The following ANKDD1B variants were observed in gnomAD, a reference collection of about 807,000 sequenced individuals.
ANKDD1B encodes the protein ankyrin repeat and death domain-containing protein 1B.
Under a neutral mutation model 59.7 loss-of-function variants are expected in ANKDD1B, and 57 were observed. The observed-to-expected ratio is 0.95, with a 90% confidence interval of 0.77 to 1.19. ANKDD1B has a LOEUF of 1.19. Ranked by LOEUF, ANKDD1B falls within the 50% of genes most tolerant of loss-of-function variation. The pLI, the probability that ANKDD1B is intolerant of heterozygous loss-of-function variation, is 0.00. For synonymous variants in ANKDD1B, 216 were observed against 239.5 expected, an observed-to-expected ratio of 0.90 and a Z score of 0.91; for missense variants, 602 against 641.9, an observed-to-expected ratio of 0.94 and a Z score of 0.67.
chr5:75,656,752 G>A (rs935921194), intron 9 of ANKDD1B, among the ~76,000 whole-genome samples: 6 of 152,072 alleles, frequency 3.9e-5, no homozygotes, highest in African/African-American at 1.4e-4. Context: ...AGGATATGTA[G>A]GGGAGTGGGA....
chr5:75,650,806 A>G lies in ANKDD1B; in HGVS notation c.799-2336A>G, dbSNP rs1275869771. On this transcript the variant is annotated intron_variant, in intron 7 of 13. Coordinates refer to ENST00000601380, the MANE Select transcript of ANKDD1B (RefSeq NM_001276713.2). ...AAAACAACAATGTATTATTATTTTCATGGCTCTGTGGGTTGACTGGGCTCA... is the reference window on the plus strand; with the variant it reads ...AAAACAACAATGTATTATTATTTTCGTGGCTCTGTGGGTTGACTGGGCTCA... 2.6e-5 allele frequency among the ~76,000 whole-genome samples: 4 copies of G among 152,338 alleles called. No homozygotes were observed. In the East Asian group the frequency reaches 7.7e-4, roughly 29 times the overall value.
intron 1 of ANKDD1B, among the ~76,000 whole-genome samples, chr5:75,612,718 G>C (rs1350851314): frequency 1.3e-5 from 2 of 152,066 alleles, no homozygotes; most frequent in East Asian, 3.9e-4. Context: ...GCAAATAAAT[G>C]AATAAGATAA....
intron 2 of ANKDD1B, among the ~76,000 whole-genome samples, chr5:75,617,274 A>G (rs992619445): frequency 3.3e-5 from 5 of 152,118 alleles, no homozygotes; most frequent in Admixed American, 2.6e-4. Flanking sequence ...TTTTTGCTAT[A>G]CAATCTGGGT....
chr5:75,635,506 T>G, intron 6 of ANKDD1B: 1 of 291,074 alleles, frequency 3.4e-6, no homozygotes, highest in Non-Finnish European at 6.3e-6. Flanking sequence ...TCAAATGGAA[T>G]TGCTTTTGTT....
intron 6 of ANKDD1B, 85 bp from the exon 7 acceptor site, chr5:75,635,699 C>G: frequency 1.2e-6 from 1 of 850,386 alleles, no homozygotes; most frequent in Non-Finnish European, 1.8e-6. Flanking sequence ...TGAAAACTTC[C>G]AGAAACTCCA....
intron 7 of ANKDD1B, among the ~76,000 whole-genome samples, chr5:75,642,398 C>A (rs62366612): frequency 2.8e-5 from 4 of 143,130 alleles, no homozygotes; most frequent in Admixed American, 2.8e-4. Flanking sequence ...GCGCACCGTG[C>A]GCGAGCCGAA....
chr5:75,665,201 A>G (rs1775274976), intron 11 of ANKDD1B, among the ~76,000 whole-genome samples: 1 of 152,228 alleles, frequency 6.6e-6, no homozygotes, highest in African/African-American at 2.4e-5. Context: ...TTGGCAGGCA[A>G]GCTATTTAAT....
In ANKDD1B at chr5:75,659,370, G is replaced by A; in HGVS notation, c.1084G>A (p.Ala362Thr). 6 of 1,535,704 alleles carry A rather than the reference G, an allele frequency of 3.9e-6. No individual in the cohort carries two copies. The highest frequency in any genetic ancestry group is 5.2e-6 in the Non-Finnish European group (6 of 1,146,526). The change falls in exon 10 of 14, where the codon GCT (alanine) becomes ACT (threonine). Residue 362 changes from alanine to threonine, a missense_variant. Physicochemically the swap from Ala to Thr is moderately conservative, Grantham distance 58. Coordinates refer to ENST00000601380, the MANE Select transcript of ANKDD1B (RefSeq NM_001276713.2). ...TLLKAGCDLKAVDKQGKTALA... is the reference protein window; with the variant it reads ...TLLKAGCDLKTVDKQGKTALA... ...GCTGAAGGCAGGCTGTGACTTGAAG[G>A]CTGTTGACAAGGTAAGTGCATGGAC... is the stretch of plus-strand genomic sequence containing the variant.
At chr5:75,662,318 C>T (rs1444280082) in intron 10 of ANKDD1B, among the ~76,000 whole-genome samples, 1 of 152,164 alleles carries the variant, frequency 6.6e-6, no homozygotes, top group African/African-American at 2.4e-5. Flanking sequence ...CTTTTGATTA[C>T]AGGCTGATTA....
rs112085918 is a variant in ANKDD1B, at chr5:75,667,087, C to G, written c.1393+94C>G. 2,271 of 808,864 alleles carry G rather than the reference C, an allele frequency of 2.8e-3. 29 individuals carry two copies. The African/African-American group carries it at 0.03, about 11-fold the overall frequency. The allele number at this position is 808,864 out of a possible 1,614,324, so 50.1% of individuals were successfully genotyped here. A position where few individuals can be genotyped will look rare whatever the true frequency, so the allele number is the denominator to read the frequency against. ...AGGTCTTCCAAGGAAGTGTGTGGCA[C>G]TCACAATAAGCTGCAGTCTTCAAGG... On this transcript the variant is annotated intron_variant, in intron 12 of 13. Transcript: ENST00000601380.
chr5:75,659,295 C>T lies in ANKDD1B; in HGVS notation c.1009C>T (p.Pro337Ser), dbSNP rs1434452988. The T allele has an allele frequency of 1.3e-6, 2 of 1,535,732 alleles. No individual in the cohort carries two copies. The highest frequency in any genetic ancestry group is 1.7e-6 in the Non-Finnish European group (2 of 1,146,698). The change falls in exon 10 of 14, where the codon CCT becomes TCT. Residue 337 changes from proline to serine, a missense_variant. Pro to Ser is a moderately conservative substitution (Grantham distance 74). Transcript: ENST00000601380. ...AATTTCATGGCAGAAGCAGCAAACC[C>T]CTCTGCATGTAGCTGCTGATCGTGG... Reference protein sequence around the residue: ...IDILNQKQQTPLHVAADRGNV... With the variant: ...IDILNQKQQTSLHVAADRGNV...
intron 1 of ANKDD1B, among the ~76,000 whole-genome samples, chr5:75,613,501 G>A (rs1368045359): frequency 2.0e-5 from 3 of 152,188 alleles, no homozygotes; most frequent in Non-Finnish European, 4.4e-5. Context: ...AATGAAGGTA[G>A]GTTGGTAGAC....
intron 7 of ANKDD1B, among the ~76,000 whole-genome samples, chr5:75,643,581 G>C (rs1389499120): frequency 2.4e-5 from 1 of 40,824 alleles, no homozygotes; most frequent in Non-Finnish European, 3.9e-5. Context: ...AAGCCTCCAA[G>C]AAATATGGGA....
chr5:75,650,467 C>T (rs1012927021), intron 7 of ANKDD1B, among the ~76,000 whole-genome samples: 3 of 152,146 alleles, frequency 2.0e-5, no homozygotes, highest in Non-Finnish European at 4.4e-5. Context: ...CATAGGTCTG[C>T]GAACTTCTTT....
Position 75,611,570 on chromosome 5 carries a change from G to A in ANKDD1B, c.-65G>A. The A allele has an allele frequency of 1.9e-6, 2 of 1,072,182 alleles. No homozygotes were observed. Among genetic ancestry groups the A allele is most frequent in the Non-Finnish European group, 2.3e-6 (2 of 861,338 alleles). The allele number at this position is 1,072,182 out of a possible 1,614,324, so 66.4% of individuals were successfully genotyped here. A position where few individuals can be genotyped will look rare whatever the true frequency, so the allele number is the denominator to read the frequency against. On this transcript the variant is annotated 5_prime_UTR_variant, in exon 1 of 14. Coordinates refer to ENST00000601380, the MANE Select transcript of ANKDD1B (RefSeq NM_001276713.2). ...TGCCTGGGTCTGGATCTGTGTCCGA[G>A]TCTGGGTCTGGATCTGGGTCCGAGT...
chr5:75,634,932 G>GATTT lies in ANKDD1B; in HGVS notation c.635_636insATTT (p.Gly213PhefsTer5). 1 of 1,535,656 alleles carries GATTT rather than the reference G, an allele frequency of 6.5e-7. No individual in the cohort carries two copies. The highest frequency in any genetic ancestry group is 1.4e-5 in the African/African-American group (1 of 73,158). On this transcript the variant is annotated frameshift_variant, in exon 6 of 14. Coordinates refer to ENST00000601380, the MANE Select transcript of ANKDD1B (RefSeq NM_001276713.2). LOFTEE classifies it high-confidence loss of function. ...AAACCATTTCTTTTGGCAGCTGAGA[G>GATTT]GGGCCATGTTGAAATGATAGAAAAA...
chr5:75,653,216 C>G lies in ANKDD1B; in HGVS notation c.873C>G (p.Asn291Lys), dbSNP rs1046675751. 1.3e-6 allele frequency: 2 copies of G among 1,536,000 alleles called. No individual in the cohort carries two copies. The highest frequency in any genetic ancestry group is 4.9e-5 in the East Asian group (2 of 40,922). Reference sequence around the variant, plus strand: ...TTGTCAACTTTCTTCTCAGTGAGAACGTTGATCTGCACCAGAAAGTGGAAG... The same window carrying G: ...TTGTCAACTTTCTTCTCAGTGAGAAGGTTGATCTGCACCAGAAAGTGGAAG... ...ASLVNFLLSE[N>K]VDLHQKVEPK... Residue 291 changes from asparagine to lysine, a missense_variant, in exon 8 of 14, where the codon AAC becomes AAG. Asn to Lys is a moderately conservative substitution (Grantham distance 94). Coordinates refer to ENST00000601380, the MANE Select transcript of ANKDD1B (RefSeq NM_001276713.2).
At chr5:75,665,727 T>C (rs1775288016) in intron 11 of ANKDD1B, among the ~76,000 whole-genome samples, 1 of 152,216 alleles carries the variant, frequency 6.6e-6, no homozygotes, top group African/African-American at 2.4e-5. Context: ...GCATTTCCCT[T>C]GTCGAGCTTC....
intron 5 of ANKDD1B, among the ~76,000 whole-genome samples, chr5:75,632,777 C>G (rs373596034): frequency 6.6e-6 from 1 of 152,190 alleles, no homozygotes; most frequent in Non-Finnish European, 1.5e-5. Flanking sequence ...AAGCAGCACT[C>G]GGTTACTACA....
Sources: allele counts gnomAD v4.1 joint callset (sites outside exome capture counted in the v4.1 genomes callset), GRCh38; gene constraint gnomAD v4.1.1; transcripts MANE v1.5; gene names NCBI Gene and HGNC (gene_info 2026-07-23, HGNC 2026-07-21).